The following CLCN1 variants were observed in gnomAD, a reference collection of about 807,000 sequenced individuals.
CLCN1 encodes the protein chloride channel protein 1.
CLCN1 carries 100 observed loss-of-function variants against 114.5 expected under a neutral mutation model. The ratio of observed to expected loss-of-function variants is 0.87; its 90% CI spans 0.74 to 1.03. The LOEUF is 1.03. Among genes scored for constraint, CLCN1 ranks in the 50% least tolerant of loss-of-function variants. The pLI, the probability that CLCN1 is intolerant of heterozygous loss-of-function variation, is 0.00. For missense variants in CLCN1, 1,188 were observed against 1,250.0 expected (o/e 0.95, Z 0.75); for synonymous variants, 485 against 487.1 (o/e 1.00, Z 0.06).
chr7:143,343,877 T>C (rs1276954859), intron 16 of CLCN1, among the ~76,000 whole-genome samples: 1 of 152,056 alleles, frequency 6.6e-6, no homozygotes, highest in Non-Finnish European at 1.5e-5. Context: ...CCTCACTCTG[T>C]TGCCCAGGCA....
At position 143,324,427 on chromosome 7, in the gene CLCN1, AC is replaced by A. The variant is rs770081373; in HGVS notation, c.789del (p.Ser264LeufsTer4). 3.1e-6 allele frequency: 5 copies of A among 1,613,060 alleles called. No individual in the cohort carries two copies. Among genetic ancestry groups the A allele is most frequent in the Non-Finnish European group, 4.2e-6 (5 of 1,179,782 alleles). On this transcript the variant is annotated frameshift_variant, in exon 7 of 23. Transcript: ENST00000343257. LOFTEE classifies it high-confidence loss of function. The surrounding 1 kb of genome is among the most constrained non-coding windows in gnomAD (Gnocchi z 4.6). ...FCGVYEQPYYYSDILTVGCAV... is the reference protein window; with the variant it reads ...FCGVYEQPYYXSDILTVGCAV... ...CTCCCCTAGTAGCAGCCATACTACT[AC>A]TCTGATATCCTGACGGTGGGCTGTG...
At chr7:143,320,553 T>TC (rs1802396902) in intron 2 of CLCN1, 111 bp from the exon 3 acceptor site, 11 of 674,236 alleles carry the variant, frequency 1.6e-5, no homozygotes, top group African/African-American at 2.0e-5. Flanking sequence ...TTAGCTGCTT[T>TC]TCTCTCTCTC....
intron 5 of CLCN1, among the ~76,000 whole-genome samples, chr7:143,322,315 T>C (rs1189080935): frequency 6.6e-6 from 1 of 152,118 alleles, no homozygotes; most frequent in Non-Finnish European, 1.5e-5. Flanking sequence ...CTGAGAAAAC[T>C]AGGACTGAGA....
At chr7:143,337,677 G>C (rs1230773353) in intron 12 of CLCN1, among the ~76,000 whole-genome samples, 1 of 151,746 alleles carries the variant, frequency 6.6e-6, no homozygotes, top group Non-Finnish European at 1.5e-5. Flanking sequence ...TTCTGAAATT[G>C]GTTTACTTAT....
In CLCN1 at chr7:143,331,313, T is replaced by G. The variant is rs1682810737; in HGVS notation, c.1061T>G (p.Ile354Ser). Reference protein sequence around the residue: ...DLKELPAFAAIGICCGLLGAV... With the variant: ...DLKELPAFAASGICCGLLGAV... ...AAGGAACTACCAGCTTTTGCTGCCATCGGGTCAGTGGGGTTACCTGCTCTG... is the reference window on the plus strand; with the variant it reads ...AAGGAACTACCAGCTTTTGCTGCCAGCGGGTCAGTGGGGTTACCTGCTCTG... Residue 354 changes from isoleucine (I) to serine (S), a missense_variant, in exon 9 of 23, where the codon ATC (isoleucine) becomes AGC (serine). Physicochemically the swap from Ile to Ser is moderately radical, Grantham distance 142 (BLOSUM62 -2). Transcript: ENST00000343257. 6.2e-7 allele frequency: 1 copy of G among 1,608,308 alleles called. No homozygotes were observed. The highest frequency in any genetic ancestry group is 1.3e-5 in the African/African-American group (1 of 74,804).
chr7:143,326,003 G>GTTTTTTT (rs546357383), intron 7 of CLCN1, among the ~76,000 whole-genome samples: 23 of 151,828 alleles, frequency 1.5e-4, no homozygotes, highest in African/African-American at 5.1e-4. Flanking sequence ...GGCATTACTT[G>GTTTTTTT]TTTTTTTTGT....
At chr7:143,325,983 ATTTGCAGGTGGCATTACTTGTTT>A (rs1271431272) in intron 7 of CLCN1, among the ~76,000 whole-genome samples, 1 of 152,014 alleles carries the variant, frequency 6.6e-6, no homozygotes, top group African/African-American at 2.4e-5. Flanking sequence ...TGACAAAGGT[ATTTGCAGGTGGCATTACTTGTTT>A]TTTTTGTTTG....
chr7:143,316,454 G>C lies in CLCN1; in HGVS notation c.180+62G>C. The C allele has an allele frequency of 3.4e-6, 5 of 1,476,788 alleles. No individual in the cohort carries two copies. The South Asian group carries it at 5.8e-5, about 17-fold the overall frequency. The allele number at this position is 1,476,788 out of a possible 1,614,324, so 91.5% of individuals were successfully genotyped here. A position where few individuals can be genotyped will look rare whatever the true frequency, so the allele number is the denominator to read the frequency against. On this transcript the variant is annotated intron_variant, in intron 1 of 22. Transcript: ENST00000343257. The stretch of plus-strand genomic sequence containing the variant: ...AGGGGAGACAGTGGTGCCAGAGACT[G>C]GTGAAAATGAGGAATTGGGTGAAAA...
At chr7:143,325,835 C>G (rs1802558696) in intron 7 of CLCN1, among the ~76,000 whole-genome samples, 1 of 152,114 alleles carries the variant, frequency 6.6e-6, no homozygotes, top group Admixed American at 6.5e-5. Flanking sequence ...AGAGAAGTTA[C>G]AGGCAACAGT....
At chr7:143,325,087 A>C (rs762495675) in intron 7 of CLCN1, among the ~76,000 whole-genome samples, 12 of 152,226 alleles carry the variant, frequency 7.9e-5, no homozygotes, top group Non-Finnish European at 1.5e-4. Flanking sequence ...GATCTCTCAG[A>C]TTATTTTCCT....
chr7:143,336,302 G>A (rs1430754598), intron 12 of CLCN1, among the ~76,000 whole-genome samples: 5 of 149,592 alleles, frequency 3.3e-5, no homozygotes, highest in East Asian at 2.0e-4. Flanking sequence ...GTTTAAAATC[G>A]TGGTAGTTCT....
In CLCN1 at chr7:143,339,211, G is replaced by A. The variant is rs781290468; in HGVS notation, c.1402-42G>A. ...GGGAATTGTGTGTGCATGTCTATTG[G>A]GCAGAGTTGAAAGGGTATTCCAACG... On this transcript the variant is annotated intron_variant, in intron 12 of 22. Coordinates refer to ENST00000343257, the MANE Select transcript of CLCN1 (RefSeq NM_000083.3). This position sits in a 1 kb window ranked among gnomAD's most constrained non-coding sequence, Gnocchi z 4.1. 1.6e-6 allele frequency: 2 copies of A among 1,279,096 alleles called. No homozygotes were observed. The highest frequency in any genetic ancestry group is 2.4e-5 in the South Asian group (2 of 84,328). The allele number at this position is 1,279,096 out of a possible 1,614,324, so 79.2% of individuals were successfully genotyped here.
intron 18 of CLCN1, 49 bp from the exon 19 acceptor site, chr7:143,346,530 G>C: frequency 6.8e-7 from 1 of 1,466,092 alleles, no homozygotes; most frequent in South Asian, 1.1e-5. Context: ...GCCCCTGGCC[G>C]TTTCCTGTTG....
chr7:143,320,219 C>T (rs924446821), intron 2 of CLCN1, among the ~76,000 whole-genome samples: 4 of 152,214 alleles, frequency 2.6e-5, no homozygotes, highest in Non-Finnish European at 5.9e-5. Context: ...AAGCAATCCT[C>T]CCGCCTTAGC....
Position 143,320,787 on chromosome 7 carries a change from G to C in CLCN1, c.425G>C (p.Ser142Thr). ...SWSMDYVSAKSLQAYKWSYAQ... is the reference protein window; with the variant it reads ...SWSMDYVSAKTLQAYKWSYAQ... The stretch of plus-strand genomic sequence containing the variant: ...AGCATGGACTACGTCAGTGCCAAAA[G>C]CCTTCAGGGTAGGTTTAACCTGGAC... The change falls in exon 3 of 23, where the codon AGC (serine) becomes ACC (threonine). Residue 142 changes from serine to threonine, a missense_variant. Coordinates refer to ENST00000343257, the MANE Select transcript of CLCN1 (RefSeq NM_000083.3). 2 of 1,614,034 alleles carry C rather than the reference G, an allele frequency of 1.2e-6. No homozygotes were observed. The highest frequency in any genetic ancestry group is 1.7e-6 in the Non-Finnish European group (2 of 1,179,978).
intron 2 of CLCN1, 88 bp from the exon 3 acceptor site, chr7:143,320,576 T>TGG: frequency 8.8e-7 from 1 of 1,135,442 alleles, no homozygotes; most frequent in Non-Finnish European, 1.3e-6. Flanking sequence ...TCTCTCTCTC[T>TGG]CTCTCTCTCT....
At chr7:143,345,499 G>T in intron 16 of CLCN1, 22 bp from the exon 17 acceptor site, 1 of 1,521,388 alleles carries the variant, frequency 6.6e-7, no homozygotes, top group South Asian at 1.2e-5. Flanking sequence ...GGGCGCTCAG[G>T]CAGGGCGTGG....
chr7:143,319,051 C>T (rs765401028), intron 1 of CLCN1, among the ~76,000 whole-genome samples: 13 of 152,304 alleles, frequency 8.5e-5, no homozygotes, highest in East Asian at 3.9e-4. Context: ...CACAGACACA[C>T]GTGCTCTGCC....
At chr7:143,323,810 C>T (rs544810191) in intron 6 of CLCN1, 1 of 475,726 alleles carries the variant, frequency 2.1e-6, no homozygotes, top group African/African-American at 2.0e-5. Flanking sequence ...GCGTGCTTCT[C>T]TGTTGCAGAC....
Sources: allele counts gnomAD v4.1 joint callset (sites outside exome capture counted in the v4.1 genomes callset), GRCh38; gene constraint gnomAD v4.1.1; non-coding constraint Gnocchi (gnomAD v3.1); transcripts MANE v1.5; gene names NCBI Gene and HGNC (gene_info 2026-07-23, HGNC 2026-07-21).